FAM184A: variants seen among roughly 807,000 people sequenced by gnomAD.
FAM184A encodes family with sequence similarity 184 member A, also known as protein FAM184A.
FAM184A carries 99 observed loss-of-function variants against 143.8 expected under a neutral mutation model. The observed-to-expected ratio is 0.69, with a 90% CI of 0.58 to 0.81. FAM184A has a LOEUF of 0.81. FAM184A is among the 40% of genes least tolerant of loss of function. The pLI is 0.00. For synonymous variants in FAM184A, 427 were observed against 446.4 expected (o/e 0.96, Z 0.55); for missense variants, 1,217 against 1,310.5 (o/e 0.93, Z 1.10).
intron 1 of FAM184A, among the ~76,000 whole-genome samples, chr6:119,091,944 G>A (rs1044352918): frequency 7.9e-5 from 12 of 152,184 alleles, no homozygotes. Flanking sequence ...ATGTTGATGG[G>A]TCCATTGCAC....
chr6:118,960,031 ATT>A lies in FAM184A; in HGVS notation c.*70_*71del. The A allele has an allele frequency of 1.5e-5, 19 of 1,230,314 alleles. No individual in the cohort carries two copies. The highest frequency in any genetic ancestry group is 2.2e-5 in the Non-Finnish European group (19 of 867,562). The allele number at this position is 1,230,314 out of a possible 1,614,324, so 76.2% of individuals were successfully genotyped here. A position where few individuals can be genotyped will look rare whatever the true frequency, so the allele number is the denominator to read the frequency against. The stretch of plus-strand genomic sequence containing the variant: ...CACAGTGTTTGACATAGGAAAGCCT[ATT>A]TACATAACAATCTGTATAAAGTCAT... On this transcript the variant is annotated 3_prime_UTR_variant, in exon 18 of 18. Coordinates refer to ENST00000338891, the MANE Select transcript of FAM184A (RefSeq NM_024581.6).
At chr6:119,113,583 G>A (rs1582627579) in intron 1 of FAM184A, among the ~76,000 whole-genome samples, 1 of 151,974 alleles carries the variant, frequency 6.6e-6, no homozygotes. Context: ...GTCAACTGTG[G>A]TCTGAAAATA....
intron 1 of FAM184A, among the ~76,000 whole-genome samples, chr6:119,053,929 T>G (rs774825665): frequency 6.6e-6 from 1 of 152,232 alleles, no homozygotes; most frequent in Non-Finnish European, 1.5e-5. Flanking sequence ...AGTCCCAATC[T>G]ACTTCTCAGC....
intron 9 of FAM184A, among the ~76,000 whole-genome samples, chr6:118,995,697 G>A (rs1000277875): frequency 6.6e-6 from 1 of 152,186 alleles, no homozygotes; most frequent in African/African-American, 2.4e-5. Context: ...GTTAGGTTAT[G>A]CTTAATACTT....
chr6:118,960,685 G>A (rs190296769), intron 17 of FAM184A: 64 of 542,684 alleles, frequency 1.2e-4, no homozygotes, highest in African/African-American at 4.4e-4. Flanking sequence ...AATTTCCCCC[G>A]TTATTGATGT....
chr6:119,097,708 G>A (rs943269548), intron 1 of FAM184A, among the ~76,000 whole-genome samples: 2 of 152,150 alleles, frequency 1.3e-5, no homozygotes, highest in Admixed American at 1.3e-4. Context: ...GTCTTTTGGT[G>A]TAATGTTGCA....
chr6:119,067,811 A>G (rs1787514763), intron 1 of FAM184A, among the ~76,000 whole-genome samples: 1 of 152,154 alleles, frequency 6.6e-6, no homozygotes, highest in Non-Finnish European at 1.5e-5. Flanking sequence ...TATATCCATC[A>G]GAAAAGAAAA....
Position 119,096,089 on chromosome 6 carries a change from G to A in FAM184A, c.-202+52989C>T, listed in dbSNP as rs1324720743. Among the ~76,000 whole-genome samples, 6 of 152,134 alleles carry A rather than the reference G, an allele frequency of 3.9e-5. No homozygotes were observed. The East Asian group carries it at 7.8e-4, about 20-fold the overall frequency. On this transcript the variant is annotated intron_variant, in intron 1 of 16. Transcript: ENST00000352896. The stretch of plus-strand genomic sequence containing the variant: ...TTTGAAAAGAATTCTTTAGGCCATC[G>A]ATTAAAAAAATCACCCCTTTGAGGT...
At chr6:118,960,254 T>C in intron 17 of FAM184A, 70 bp from the exon 18 acceptor site, 1 of 1,264,702 alleles carries the variant, frequency 7.9e-7, no homozygotes, top group Non-Finnish European at 1.1e-6. Flanking sequence ...CAAAAGCACA[T>C]AAAACATCAG....
intron 1 of FAM184A, among the ~76,000 whole-genome samples, chr6:119,090,468 G>A (rs1788337031): frequency 6.6e-6 from 1 of 152,184 alleles, no homozygotes; most frequent in Admixed American, 6.5e-5. Flanking sequence ...ACTGTGGCAT[G>A]CATAGGAACT....
At position 119,019,963 on chromosome 6, in the gene FAM184A, TC is replaced by T; in HGVS notation, c.1332+14del. 1 of 1,533,308 alleles carries T rather than the reference TC, an allele frequency of 6.5e-7. No homozygotes were observed. Among genetic ancestry groups the T allele is most frequent in the Non-Finnish European group, 8.7e-7 (1 of 1,145,318 alleles). 95.0% of individuals were successfully genotyped at this position (1,533,308 alleles called of 1,614,324 possible). A position where few individuals can be genotyped will look rare whatever the true frequency, so the allele number is the denominator to read the frequency against. On this transcript the variant is annotated intron_variant, in intron 4 of 17. Transcript: ENST00000338891. ...GAACTCTTTCGGGGGGAATGGAGTG[TC>T]CATTACTTTTTACCTTCTCCAGTTC...
intron 1 of FAM184A, among the ~76,000 whole-genome samples, chr6:119,142,438 TC>T (rs1772277478): frequency 6.6e-6 from 1 of 152,132 alleles, no homozygotes; most frequent in Non-Finnish European, 1.5e-5. Context: ...TCTACTGAAG[TC>T]CACACTTAAC....
Position 119,140,937 on chromosome 6 carries a change from T to C in FAM184A, c.-202+8141A>G, listed in dbSNP as rs920984956. ...CCAGGCTTTCCAGCAAAATTACTTA[T>C]GCTATTAGTAGCATTAAGCAGGCGT... On this transcript the variant is annotated intron_variant, in intron 1 of 16. Transcript: ENST00000352896. Among the ~76,000 whole-genome samples, 47 of 152,334 alleles carry C rather than the reference T, an allele frequency of 3.1e-4. No individual in the cohort carries two copies. The Middle Eastern group carries it at 0.01, about 33-fold the overall frequency.
chr6:118,992,016 G>A (rs111864261), intron 9 of FAM184A, among the ~76,000 whole-genome samples: 3 of 151,730 alleles, frequency 2.0e-5, no homozygotes, highest in Admixed American at 6.6e-5. Context: ...CGCCTGCCTC[G>A]GCCTCCCAAA....
upstream of FAM184A, among the ~76,000 whole-genome samples, chr6:119,080,122 C>G (rs978277362): frequency 5.9e-5 from 9 of 152,338 alleles, no homozygotes; most frequent in African/African-American, 1.9e-4. Flanking sequence ...AATGTATGCT[C>G]AAAAGACTCT....
In FAM184A at chr6:119,025,744, AGCG is replaced by A; in HGVS notation, c.160-934_160-932del. On this transcript the variant is annotated intron_variant, in intron 1 of 17. Transcript: ENST00000338891. Reference sequence around the variant, plus strand: ...GATGAGCCCACTTTCTTCCCCCGGAAGCGAAAAGAAGTAAACACTGTACAATCA... The same window carrying A: ...GATGAGCCCACTTTCTTCCCCCGGAAAAAAGAAGTAAACACTGTACAATCA... 4 of 401,768 alleles carry A rather than the reference AGCG, an allele frequency of 1.0e-5. No homozygotes were observed. In the Admixed American group the frequency reaches 1.0e-4, roughly 10 times the overall value. 24.9% of individuals were successfully genotyped at this position (401,768 alleles called of 1,614,324 possible). A position where few individuals can be genotyped will look rare whatever the true frequency, so the allele number is the denominator to read the frequency against.
chr6:119,052,035 A>T (rs1025977905), intron 1 of FAM184A, among the ~76,000 whole-genome samples: 11 of 152,192 alleles, frequency 7.2e-5, no homozygotes, highest in Non-Finnish European at 4.4e-5. Context: ...CTCCCTGAAC[A>T]TCTCCTGAGG....
chr6:118,985,411 T>C (rs1203220310), intron 9 of FAM184A, among the ~76,000 whole-genome samples: 2 of 152,250 alleles, frequency 1.3e-5, no homozygotes, highest in African/African-American at 4.8e-5. Flanking sequence ...TTTATATATC[T>C]TCCAAGATGA....
chr6:118,998,134 T>C (rs1784630261), intron 9 of FAM184A, among the ~76,000 whole-genome samples: 1 of 152,278 alleles, frequency 6.6e-6, no homozygotes, highest in Admixed American at 6.5e-5. Flanking sequence ...AAATAGCTCA[T>C]CTTGACTTCC....
Sources: gnomAD v4.1 joint callset for allele counts (sites outside exome capture counted in the v4.1 genomes callset) on GRCh38, gnomAD v4.1.1 for gene constraint, MANE v1.5 for transcripts, NCBI Gene and HGNC (gene_info 2026-07-23, HGNC 2026-07-21) for gene names.